Variants in FHIT observed in about 807,000 individuals in gnomAD.
The protein encoded by FHIT is fragile histidine triad diadenosine triphosphatase, also known as bis(5'-adenosyl)-triphosphatase.
FHIT carries 19 observed loss-of-function variants against 17.9 expected under a neutral mutation model. That is an observed-to-expected ratio of 1.06 (90% CI 0.74 to 1.56). FHIT has a LOEUF of 1.56. Ranked by LOEUF, FHIT falls within the 40% of genes most tolerant of loss-of-function variation. The probability of loss-of-function intolerance (pLI) is 0.00; values close to 1 mark genes in which losing one functional copy is unlikely to be tolerated. For missense variants in FHIT, 248 were observed against 189.2 expected, an observed-to-expected ratio of 1.31 and a Z score of -1.82; for synonymous variants, 81 against 69.7, an observed-to-expected ratio of 1.16 and a Z score of -0.81.
intron 3 of FHIT, among the ~76,000 whole-genome samples, chr3:60,891,438 G>C (rs1553760672): frequency 6.6e-6 from 1 of 152,134 alleles, no homozygotes; most frequent in African/African-American, 2.4e-5. Flanking sequence ...TTGGAAATGA[G>C]AAACTCTATT....
At chr3:60,919,648 T>A (rs183259618) in intron 3 of FHIT, among the ~76,000 whole-genome samples, 54 of 152,264 alleles carry the variant, frequency 3.5e-4, no homozygotes, top group Admixed American at 2.4e-3. Context: ...ATAACCAATA[T>A]ACAAACAAGG....
At chr3:59,836,800 G>A (rs1701355090) in intron 8 of FHIT, among the ~76,000 whole-genome samples, 1 of 152,128 alleles carries the variant, frequency 6.6e-6, no homozygotes, top group Admixed American at 6.5e-5. Context: ...CCTGTCAAGA[G>A]AAATGCAGAC....
At chr3:60,050,120 A>G (rs1269891125) in intron 5 of FHIT, among the ~76,000 whole-genome samples, 1 of 152,200 alleles carries the variant, frequency 6.6e-6, no homozygotes, top group African/African-American at 2.4e-5. Context: ...TTTTGAATTC[A>G]CATCTTTTAT....
At chr3:60,427,482 A>G (rs1702715998) in intron 5 of FHIT, among the ~76,000 whole-genome samples, 1 of 152,126 alleles carries the variant, frequency 6.6e-6, no homozygotes, top group South Asian at 2.1e-4. Flanking sequence ...GCCCATGAAA[A>G]TGGTGAGACA....
chr3:60,715,883 A>T (rs376541736), intron 4 of FHIT, among the ~76,000 whole-genome samples: 1 of 152,206 alleles, frequency 6.6e-6, no homozygotes, highest in African/African-American at 2.4e-5. Context: ...TCGACCTTGC[A>T]GACTCCCTGG....
Position 60,676,311 on chromosome 3 carries a change from G to T in FHIT, c.-17-139332C>A, listed in dbSNP as rs550508906. Among the ~76,000 whole-genome samples, 11 of 152,184 alleles carry T rather than the reference G, an allele frequency of 7.2e-5. No individual in the cohort carries two copies. The South Asian group carries it at 1.2e-3, about 17-fold the overall frequency. The stretch of plus-strand genomic sequence containing the variant: ...TGTTGTGTGTATTTGACAATCCTTT[G>T]GTGGTGTGGAACTTAAATCATCACT... On this transcript the variant is annotated intron_variant, in intron 4 of 9. Coordinates refer to ENST00000492590, the MANE Select transcript of FHIT (RefSeq NM_002012.4).
At chr3:61,222,116 T>C (rs2106829608) in intron 1 of FHIT, among the ~76,000 whole-genome samples, 1 of 152,304 alleles carries the variant, frequency 6.6e-6, no homozygotes, top group Non-Finnish European at 1.5e-5. Context: ...GAAGACTCTC[T>C]AGTCTCCTTC....
intron 5 of FHIT, among the ~76,000 whole-genome samples, chr3:60,432,888 C>T (rs1277591823): frequency 6.8e-6 from 1 of 146,712 alleles, no homozygotes; most frequent in Non-Finnish European, 1.5e-5. Flanking sequence ...AAGATTAAAA[C>T]ACATCAAAAC....
At chr3:60,304,484 C>A (rs1241122340) in intron 5 of FHIT, among the ~76,000 whole-genome samples, 1 of 151,914 alleles carries the variant, frequency 6.6e-6, no homozygotes, top group African/African-American at 2.4e-5. Context: ...ATCCTCCCAA[C>A]AACCTTAGAG....
intron 8 of FHIT, among the ~76,000 whole-genome samples, chr3:59,870,875 G>A (rs60783866): frequency 0.029 from 1,733 of 59,052 alleles, 33 homozygotes; most frequent in African/African-American, 0.051. Flanking sequence ...GTGTGTGTGC[G>A]TGTGTGTGTG....
At chr3:60,120,089 A>G (rs1054310053) in intron 5 of FHIT, among the ~76,000 whole-genome samples, 1 of 152,196 alleles carries the variant, frequency 6.6e-6, no homozygotes, top group African/African-American at 2.4e-5. Context: ...CCCAGCTTGA[A>G]CATCACACCT....
chr3:60,558,935 G>C (rs938263904), intron 4 of FHIT, among the ~76,000 whole-genome samples: 2 of 152,136 alleles, frequency 1.3e-5, no homozygotes, highest in Non-Finnish European at 2.9e-5. Flanking sequence ...GTGATAATAC[G>C]TGTATCTTCC....
chr3:60,041,673 T>G (rs948151014), intron 5 of FHIT, among the ~76,000 whole-genome samples: 3 of 152,170 alleles, frequency 2.0e-5, no homozygotes, highest in African/African-American at 7.2e-5. Flanking sequence ...AAAGCTGTCA[T>G]GGGGAGAAGA....
At chr3:60,957,233 CTT>C (rs35221092) in intron 3 of FHIT, among the ~76,000 whole-genome samples, 5,720 of 97,058 alleles carry the variant, frequency 0.059, 177 homozygotes, top group African/African-American at 0.17. Flanking sequence ...TTCTTTCTTT[CTT>C]TTTTTTTTTT....
chr3:60,382,352 A>G (rs917955087), intron 5 of FHIT, among the ~76,000 whole-genome samples: 55 of 152,258 alleles, frequency 3.6e-4, no homozygotes, highest in Admixed American at 3.3e-4. Context: ...CTCATAAATT[A>G]CACGTGTCTT....
chr3:60,551,123 G>A (rs2036531903), intron 4 of FHIT, among the ~76,000 whole-genome samples: 1 of 151,998 alleles, frequency 6.6e-6, no homozygotes, highest in African/African-American at 2.4e-5. Flanking sequence ...GATCTTAGAG[G>A]AATGGAAAGA....
chr3:60,979,162 C>T (rs1710383720), intron 3 of FHIT, among the ~76,000 whole-genome samples: 1 of 152,186 alleles, frequency 6.6e-6, no homozygotes, highest in African/African-American at 2.4e-5. Context: ...CTGTTTCCAA[C>T]AACAGATTTC....
Position 59,875,750 on chromosome 3 carries a change from A to C in FHIT, c.348+46596T>G, listed in dbSNP as rs547886522. 3.3e-5 allele frequency among the ~76,000 whole-genome samples: 5 copies of C among 152,214 alleles called. No individual in the cohort carries two copies. In the South Asian group the frequency reaches 1.0e-3, roughly 32 times the overall value. On this transcript the variant is annotated intron_variant, in intron 8 of 9. Transcript: ENST00000492590. ...GGAGCTAACGATGGCTTAACAAGAG[A>C]TGGGAAGCCATTTTGGAAGTGTTCT...
intron 3 of FHIT, among the ~76,000 whole-genome samples, chr3:61,013,743 T>C (rs991666779): frequency 6.6e-6 from 1 of 152,190 alleles, no homozygotes; most frequent in Non-Finnish European, 1.5e-5. Context: ...TATCACTAAT[T>C]CACAATAGGA....
Sources: allele counts gnomAD v4.1 joint callset (sites outside exome capture counted in the v4.1 genomes callset), GRCh38; gene constraint gnomAD v4.1.1; transcripts MANE v1.5; gene names NCBI Gene and HGNC (gene_info 2026-07-23, HGNC 2026-07-21).